Variants in FYB1 observed in about 807,000 individuals in gnomAD.
FYB1 encodes FYN binding protein 1.
A neutral mutation model predicts 94.1 loss-of-function variants in FYB1; 41 were observed. The ratio of observed to expected loss-of-function variants is 0.44; its 90% confidence interval spans 0.34 to 0.57. The LOEUF is 0.57. Among genes scored for constraint, FYB1 ranks in the 20% least tolerant of loss-of-function variants. The pLI is 0.02. For missense variants in FYB1, 1,050 were observed against 976.8 expected, an observed-to-expected ratio of 1.07 and a Z score of -1.00; for synonymous variants, 367 against 353.2, an observed-to-expected ratio of 1.04 and a Z score of -0.44.
At chr5:39,251,142 A>G (rs189329523) in intron 1 of FYB1, among the ~76,000 whole-genome samples, 11 of 152,312 alleles carry the variant, frequency 7.2e-5, no homozygotes, top group African/African-American at 2.4e-4. Flanking sequence ...TTAAAGTTTT[A>G]AATTTTAGAA....
intron 1 of FYB1, among the ~76,000 whole-genome samples, chr5:39,271,106 A>C (rs1579821758): frequency 2.0e-5 from 3 of 152,272 alleles, no homozygotes; most frequent in Non-Finnish European, 4.4e-5. Flanking sequence ...AAACATAACT[A>C]TAATCATTAT....
rs975522787 is a variant in FYB1 at position 39,168,783 on chromosome 5, T to C, written c.1136-15179A>G. Reference sequence around the variant, plus strand: ...GAAATGAACACATAATTAATGAATATGTAATAATCATTCATATTAATTCCT... The same window carrying C: ...GAAATGAACACATAATTAATGAATACGTAATAATCATTCATATTAATTCCT... On this transcript the variant is annotated intron_variant, in intron 2 of 18. Transcript: ENST00000512982. Among the ~76,000 whole-genome samples, 4 of 148,830 alleles carry C rather than the reference T, an allele frequency of 2.7e-5. No homozygotes were observed. In the South Asian group the frequency reaches 6.3e-4, roughly 24 times the overall value.
chr5:39,256,690 C>T (rs1751954851), intron 1 of FYB1, among the ~76,000 whole-genome samples: 1 of 152,044 alleles, frequency 6.6e-6, no homozygotes, highest in Non-Finnish European at 1.5e-5. Flanking sequence ...CCTGTCTTCC[C>T]CTTCTCTGCC....
At chr5:39,271,199 A>G (rs1269226280) in intron 1 of FYB1, among the ~76,000 whole-genome samples, 1 of 152,192 alleles carries the variant, frequency 6.6e-6, no homozygotes, top group Admixed American at 6.5e-5. Context: ...TAAATGAAGG[A>G]AACACTCATA....
chr5:39,246,965 T>A (rs1322287495), intron 1 of FYB1, among the ~76,000 whole-genome samples: 1 of 151,558 alleles, frequency 6.6e-6, no homozygotes, highest in East Asian at 1.9e-4. Flanking sequence ...GCCTCAATTA[T>A]GTCATCTGAA....
chr5:39,195,073 G>A (rs1188283631), intron 2 of FYB1, among the ~76,000 whole-genome samples: 2 of 152,154 alleles, frequency 1.3e-5, no homozygotes, highest in African/African-American at 2.4e-5. Flanking sequence ...GTCTGTGTAT[G>A]AGAGAGCTTT....
At chr5:39,147,596 C>T (rs1029523787) in intron 3 of FYB1, among the ~76,000 whole-genome samples, 36 of 151,652 alleles carry the variant, frequency 2.4e-4, no homozygotes, top group African/African-American at 7.7e-4. Context: ...ATCTTTTATG[C>T]TATTAAGACA....
At chr5:39,137,872 T>A in intron 6 of FYB1, 152 bp from the exon 7 acceptor site, 4 of 955,938 alleles carry the variant, frequency 4.2e-6, no homozygotes, top group African/African-American at 1.7e-5. Context: ...CCGGAATGTG[T>A]GAGATTATTT....
chr5:39,259,585 C>T (rs971185663), intron 1 of FYB1, among the ~76,000 whole-genome samples: 7 of 152,074 alleles, frequency 4.6e-5, no homozygotes, highest in Non-Finnish European at 1.0e-4. Context: ...AGGAAGAAAA[C>T]TATTAATGAC....
intron 2 of FYB1, among the ~76,000 whole-genome samples, chr5:39,164,021 CT>C (rs1744496296): frequency 6.6e-6 from 1 of 152,196 alleles, no homozygotes; most frequent in Non-Finnish European, 1.5e-5. Context: ...TTTGAGAACA[CT>C]TTTAGGATAA....
intron 1 of FYB1, chr5:39,270,764 G>A: frequency 2.2e-6 from 1 of 464,716 alleles, no homozygotes; most frequent in South Asian, 5.0e-5. Context: ...TTGTATAGCT[G>A]GCCAGGTTTA....
At chr5:39,177,664 A>C (rs1338997346) in intron 2 of FYB1, among the ~76,000 whole-genome samples, 2 of 152,192 alleles carry the variant, frequency 1.3e-5, no homozygotes, top group Non-Finnish European at 2.9e-5. Context: ...TTTTACTTCA[A>C]ACTTTTGAGC....
intron 11 of FYB1, 82 bp downstream of exon 11, chr5:39,127,659 T>C (rs1291414087): frequency 7.7e-6 from 11 of 1,433,066 alleles, no homozygotes; most frequent in Admixed American, 5.7e-5. Flanking sequence ...TATTTTCCGC[T>C]TTTTATTTTA....
chr5:39,268,720 C>T (rs1203388361), intron 1 of FYB1, among the ~76,000 whole-genome samples: 1 of 152,064 alleles, frequency 6.6e-6, no homozygotes, highest in Non-Finnish European at 1.5e-5. Context: ...CATGCGCCAC[C>T]ATGCCCAGCT....
intron 1 of FYB1, among the ~76,000 whole-genome samples, chr5:39,226,196 T>C (rs1375338867): frequency 6.6e-6 from 1 of 152,240 alleles, no homozygotes; most frequent in East Asian, 1.9e-4. Context: ...CTGTTGCTCC[T>C]GTCTCCCAAG....
intron 1 of FYB1, among the ~76,000 whole-genome samples, chr5:39,258,076 A>C (rs193008583): frequency 6.6e-6 from 1 of 152,280 alleles, no homozygotes; most frequent in African/African-American, 2.4e-5. Flanking sequence ...GTGCGGCCCA[A>C]GAAGTTCTAT....
At chr5:39,119,460 T>C (rs1580310984) in intron 15 of FYB1, 75 bp downstream of exon 15, 6 of 1,099,274 alleles carry the variant, frequency 5.5e-6, no homozygotes, top group Non-Finnish European at 6.1e-6. Context: ...TCAATAGTGT[T>C]TTTTTTGTTA....
intron 1 of FYB1, among the ~76,000 whole-genome samples, chr5:39,238,564 TG>T (rs937985344): frequency 6.6e-6 from 1 of 152,032 alleles, no homozygotes; most frequent in African/African-American, 2.4e-5. Flanking sequence ...AAAAAGTTGA[TG>T]AGGACAATGA....
chr5:39,213,334 A>G (rs1042334066), intron 1 of FYB1, among the ~76,000 whole-genome samples: 3 of 152,122 alleles, frequency 2.0e-5, no homozygotes, highest in Admixed American at 6.5e-5. Flanking sequence ...TCTTTGTCAT[A>G]TAGTTACTAG....
Sources: allele counts gnomAD v4.1 joint callset (sites outside exome capture counted in the v4.1 genomes callset), GRCh38; gene constraint gnomAD v4.1.1; transcripts MANE v1.5; gene names NCBI Gene and HGNC (gene_info 2026-07-23, HGNC 2026-07-21).